SPTBN1: variants seen among roughly 807,000 people sequenced by gnomAD.
SPTBN1 encodes spectrin beta chain, non-erythrocytic 1.
SPTBN1 carries 32 observed loss-of-function variants against 266.4 expected under a neutral mutation model. The ratio of observed to expected loss-of-function variants is 0.12; its 90% CI spans 0.09 to 0.16. SPTBN1 has a LOEUF of 0.16. SPTBN1 is among the 10% of genes least tolerant of loss of function. The pLI is 1.00. For synonymous variants in SPTBN1, 1,336 were observed against 1,162.2 expected, an observed-to-expected ratio of 1.15 and a Z score of -3.04; for missense variants, 2,296 against 3,067.1, an observed-to-expected ratio of 0.75 and a Z score of 5.94.
rs553748376 is a variant in SPTBN1 at position 54,525,808 on chromosome 2, A to G, written c.-47-564A>G. Reference sequence around the variant, plus strand: ...TGCAATGGCACGATATCGGCTCACTACAACCTCCGCCTCCCAGATTCGAGC... The same window carrying G: ...TGCAATGGCACGATATCGGCTCACTGCAACCTCCGCCTCCCAGATTCGAGC... On this transcript the variant is annotated intron_variant, in intron 1 of 35. Coordinates refer to ENST00000356805, the MANE Select transcript of SPTBN1 (RefSeq NM_003128.3). Among the ~76,000 whole-genome samples the G allele has an allele frequency of 3.9e-5, 6 of 152,034 alleles. No individual in the cohort carries two copies. In the South Asian group the frequency reaches 1.2e-3, roughly 32 times the overall value.
chr2:54,653,429 T>C lies in SPTBN1; in HGVS notation c.5578-180T>C, dbSNP rs1407342700. ...TTAATAATGTAGTTGAACAGATTTA[T>C]AGAAAACGGGTTTTTGTGACTTGGA... On this transcript the variant is annotated intron_variant, in intron 26 of 35. Coordinates refer to ENST00000356805, the MANE Select transcript of SPTBN1 (RefSeq NM_003128.3). This position sits in a 1 kb window ranked among gnomAD's most constrained non-coding sequence, Gnocchi z 5.1. 2.8e-5 allele frequency: 25 copies of C among 887,282 alleles called. No homozygotes were observed. The highest frequency in any genetic ancestry group is 1.5e-4 in the South Asian group (8 of 52,868). The allele number at this position is 887,282 out of a possible 1,614,324, so 55.0% of individuals were successfully genotyped here.
intron 2 of SPTBN1, 74 bp downstream of exon 2, chr2:54,526,640 T>C (rs1403338099): frequency 6.0e-6 from 9 of 1,509,948 alleles, no homozygotes; most frequent in East Asian, 2.3e-5. Context: ...ATCCACCCTG[T>C]TCCCATGACG....
rs149874957 is a variant in SPTBN1, at chr2:54,621,186, G to C, written c.764-214G>C. ...GAGGAGGAACTATGTGTCTGTGGAA[G>C]GCGTTTCATGAATATTCACATAATG... On this transcript the variant is annotated intron_variant, in intron 7 of 35. Transcript: ENST00000356805. Among the ~76,000 whole-genome samples the C allele has an allele frequency of 6.8e-3, 1,043 of 152,290 alleles. 7 individuals carry two copies. The highest frequency in any genetic ancestry group is 8.5e-3 in the Non-Finnish European group (581 of 68,016).
chr2:54,460,060 C>G lies in SPTBN1; in HGVS notation c.-48+3542C>G, dbSNP rs576626134. ...GCATTTTCATAATGTCCTTTGCTAT[C>G]ATAGTGAGGTTCACGGACCTTCAAC... On this transcript the variant is annotated intron_variant, in intron 1 of 35. Coordinates refer to ENST00000356805, the MANE Select transcript of SPTBN1 (RefSeq NM_003128.3). Among the ~76,000 whole-genome samples, 3 of 152,296 alleles carry G rather than the reference C, an allele frequency of 2.0e-5. No individual in the cohort carries two copies. The South Asian group carries it at 6.2e-4, about 32-fold the overall frequency.
At position 54,626,084 on chromosome 2, in the gene SPTBN1, C is replaced by T. The variant is rs762702394; in HGVS notation, c.1494C>T (p.Arg498=). 13 of 1,614,194 alleles carry T rather than the reference C, an allele frequency of 8.1e-6. No homozygotes were observed. In the Middle Eastern group the frequency reaches 4.9e-4, roughly 61 times the overall value. ...CCGAGAATTACCACGACATCAAGCG[C>T]ATCACAGCGAGGAAGGACAATGTCA... ...LEAENYHDIK[R]ITARKDNVIR... is the part of the protein sequence containing the mutation. Residue 498 remains arginine (R), a synonymous_variant, in exon 12 of 36, where the codon CGC becomes CGT. Transcript: ENST00000356805. This position sits in a 1 kb window ranked among gnomAD's most constrained non-coding sequence, Gnocchi z 4.7.
In SPTBN1 at chr2:54,653,599, G is replaced by T. The variant is rs756939614; in HGVS notation, c.5578-10G>T. ...GGCTGACCTGGCTCATCCCCTACAT[G>T]GCTTCACAGGTGAGGCAGCTGCAGG... is the stretch of plus-strand genomic sequence containing the variant. On this transcript the variant is annotated splice_polypyrimidine_tract_variant and intron_variant, in intron 26 of 35. Coordinates refer to ENST00000356805, the MANE Select transcript of SPTBN1 (RefSeq NM_003128.3). This position sits in a 1 kb window ranked among gnomAD's most constrained non-coding sequence, Gnocchi z 5.1. 1.2e-6 allele frequency: 2 copies of T among 1,612,752 alleles called. No homozygotes were observed. The highest frequency in any genetic ancestry group is 1.7e-6 in the Non-Finnish European group (2 of 1,179,680).
chr2:54,612,452 C>G (rs1677279282), intron 4 of SPTBN1, 118 bp downstream of exon 4: 2 of 1,209,648 alleles, frequency 1.7e-6, no homozygotes, highest in African/African-American at 1.5e-5. Context: ...GAAAGCATGT[C>G]TCAGAGTCAT....
In SPTBN1 at chr2:54,540,830, G is replaced by C. The variant is rs1008371310; in HGVS notation, c.148+14264G>C. On this transcript the variant is annotated intron_variant, in intron 2 of 35. Transcript: ENST00000356805. This position sits in a 1 kb window ranked among gnomAD's most constrained non-coding sequence, Gnocchi z 5.6. ...ACATACAGAGTATTAGGTGACTATA[G>C]TGACCAAGCAAGATAGGGAATGGAA... The C allele has an allele frequency of 1.1e-4, 16 of 152,200 alleles. No homozygotes were observed. The highest frequency in any genetic ancestry group is 2.7e-4 in the African/African-American group (11 of 41,456). The allele number at this position is 152,200 out of a possible 1,614,324, so 9.4% of individuals were successfully genotyped here.
At chr2:54,598,091 C>G (rs756236004) in intron 2 of SPTBN1, among the ~76,000 whole-genome samples, 3 of 152,118 alleles carry the variant, frequency 2.0e-5, no homozygotes, top group South Asian at 2.1e-4. Context: ...TTAGAACATT[C>G]TGCAGAGGCA....
Position 54,642,964 on chromosome 2 carries a change from C to A in SPTBN1, c.3859-19C>A. The A allele has an allele frequency of 6.2e-7, 1 of 1,605,276 alleles. No homozygotes were observed. Among genetic ancestry groups the A allele is most frequent in the South Asian group, 1.1e-5 (1 of 89,538 alleles). ...ATGTCTAGGATCACAATCTCTGAAT[C>A]CTTCTGATCTTTCTGTAGCTGTCTC... is the stretch of plus-strand genomic sequence containing the variant. On this transcript the variant is annotated intron_variant, in intron 18 of 35. Transcript: ENST00000356805.
At chr2:54,605,858 C>T (rs1676801831) in intron 3 of SPTBN1, among the ~76,000 whole-genome samples, 1 of 152,186 alleles carries the variant, frequency 6.6e-6, no homozygotes, top group South Asian at 2.1e-4. Flanking sequence ...TTTTGAGTTG[C>T]ATCCAGGTCT....
In SPTBN1 at chr2:54,645,384, C is replaced by G. The variant is rs1010532020; in HGVS notation, c.4425C>G (p.Asn1475Lys). The G allele has an allele frequency of 2.5e-6, 4 of 1,614,160 alleles. No individual in the cohort carries two copies. The highest frequency in any genetic ancestry group is 2.7e-5 in the African/African-American group (2 of 75,022). Residue 1475 changes from asparagine (N) to lysine (K), a missense_variant, in exon 21 of 36, where the codon AAC becomes AAG. Around this residue, in one of 12 missense-constraint regions of SPTBN1, gnomAD observed 386 missense variants for 486.1 expected, o/e 0.79. Transcript: ENST00000356805. The surrounding 1 kb of genome is among the most constrained non-coding windows in gnomAD (Gnocchi z 4.3). ...TCATGGAGTTGCTGGAGCCCTTGAA[C>G]GAGAGGAAGCATAACCTGCTGGCCT... ...TKFMELLEPL[N>K]ERKHNLLASK... is the part of the protein sequence containing the mutation.
At chr2:54,503,378 C>T (rs1669378247) in intron 1 of SPTBN1, among the ~76,000 whole-genome samples, 1 of 152,194 alleles carries the variant, frequency 6.6e-6, no homozygotes. Flanking sequence ...GCAGTCAGAG[C>T]AAGCTGAGGG....
At chr2:54,498,242 C>T (rs944653269) in intron 1 of SPTBN1, among the ~76,000 whole-genome samples, 31 of 152,202 alleles carry the variant, frequency 2.0e-4, no homozygotes, top group Non-Finnish European at 1.9e-4. Flanking sequence ...CCAGTGCATT[C>T]ACAAGACGGG....
At chr2:54,465,643 T>TC (rs1693595052) in intron 1 of SPTBN1, among the ~76,000 whole-genome samples, 1 of 90,776 alleles carries the variant, frequency 1.1e-5, no homozygotes, top group African/African-American at 4.7e-5. Flanking sequence ...TTATCTCATA[T>TC]ATATATATAT....
intron 2 of SPTBN1, chr2:54,529,684 G>GA: frequency 1.4e-6 from 1 of 719,936 alleles, no homozygotes; most frequent in Non-Finnish European, 2.6e-6. Context: ...AACAGGCTGT[G>GA]AAGAAGCTCT....
chr2:54,665,907 CT>C lies in SPTBN1; in HGVS notation c.6660-7del, dbSNP rs769912337. 4.4e-6 allele frequency: 7 copies of C among 1,596,490 alleles called. No individual in the cohort carries two copies. The highest frequency in any genetic ancestry group is 3.4e-5 in the South Asian group (3 of 87,730). On this transcript the variant is annotated splice_region_variant and splice_polypyrimidine_tract_variant and intron_variant, in intron 33 of 35. Transcript: ENST00000356805. ...ATCTCCCCCTGCCCTTTTTTTTAAA[CT>C]GCACAGGTCCTGGCACAATGTTTAT...
chr2:54,467,175 T>C (rs1693680030), intron 1 of SPTBN1, among the ~76,000 whole-genome samples: 2 of 151,864 alleles, frequency 1.3e-5, no homozygotes, highest in Middle Eastern at 3.2e-3. Flanking sequence ...GTTGAAGGGC[T>C]GTACATTTTT....
At chr2:54,510,310 G>A (rs563957301) in intron 1 of SPTBN1, among the ~76,000 whole-genome samples, 1 of 151,964 alleles carries the variant, frequency 6.6e-6, no homozygotes, top group Non-Finnish European at 1.5e-5. Flanking sequence ...CATTATGACC[G>A]CACTTAACCT....
Sources: allele counts gnomAD v4.1 joint callset (sites outside exome capture counted in the v4.1 genomes callset), GRCh38; gene constraint gnomAD v4.1.1; regional missense constraint gnomAD v4.1.1; non-coding constraint Gnocchi (gnomAD v3.1); transcripts MANE v1.5; gene names NCBI Gene and HGNC (gene_info 2026-07-23, HGNC 2026-07-21).